Variants in EDC4 observed in about 807,000 individuals in gnomAD.
The protein encoded by EDC4 is enhancer of mRNA-decapping protein 4.
In EDC4, 64 loss-of-function variants were observed where a neutral mutation model predicts 155.8. The observed-to-expected ratio is 0.41, with a 90% CI of 0.34 to 0.51. The LOEUF (loss-of-function observed/expected upper bound fraction) is 0.51, where lower values mean the gene tolerates loss of function less well. Ranked by LOEUF, EDC4 falls within the 20% of genes least tolerant of loss-of-function variation. EDC4 has a pLI of 0.19. For missense variants in EDC4, 1,303 were observed against 1,812.5 expected (o/e 0.72, Z 5.10); for synonymous variants, 684 against 716.8 (o/e 0.95, Z 0.73).
chr16:67,881,082 G>A lies in EDC4; in HGVS notation c.2538G>A (p.Arg846=), dbSNP rs1430860599. 2 of 1,614,088 alleles carry A rather than the reference G, an allele frequency of 1.2e-6. No individual in the cohort carries two copies. Among genetic ancestry groups the A allele is most frequent in the Non-Finnish European group, 1.7e-6 (2 of 1,180,028 alleles). ...AGTTGGCCTGTCCTCCCAGCCCCAG[G>A]AATGGCCTTCAGGAAAAGCACAAGA... ...ETCSTLAESP[R]NGLQEKHKSL... The change falls in exon 19 of 29, where the codon AGG becomes AGA. Residue 846 remains arginine (R), a synonymous_variant. Transcript: ENST00000358933. This position sits in a 1 kb window ranked among gnomAD's most constrained non-coding sequence, Gnocchi z 5.4.
In EDC4 at chr16:67,880,300, C is replaced by A. The variant is rs1287912206; in HGVS notation, c.2097+84C>A. The A allele has an allele frequency of 6.6e-7, 1 of 1,505,272 alleles. No individual in the cohort carries two copies. Among genetic ancestry groups the A allele is most frequent in the African/African-American group, 1.4e-5 (1 of 72,166 alleles). The allele number at this position is 1,505,272 out of a possible 1,614,324, so 93.2% of individuals were successfully genotyped here. On this transcript the variant is annotated intron_variant, in intron 17 of 28. Transcript: ENST00000358933. The surrounding 1 kb of genome is among the most constrained non-coding windows in gnomAD (Gnocchi z 5.2). ...TGGGTGGTGGGCTCCTCCCAGCCCC[C>A]TGCTGCTGATCCTGCTCTACCCGAC...
In EDC4 at chr16:67,881,787, G is replaced by A. The variant is rs142831496; in HGVS notation, c.2946G>A (p.Leu982=). 35 of 1,614,162 alleles carry A rather than the reference G, an allele frequency of 2.2e-5. No individual in the cohort carries two copies. In the African/African-American group the frequency reaches 3.2e-4, roughly 15 times the overall value. The change falls in exon 22 of 29, where the codon CTG becomes CTA. Residue 982 remains leucine (L), a synonymous_variant. Transcript: ENST00000358933. The surrounding 1 kb of genome is among the most constrained non-coding windows in gnomAD (Gnocchi z 5.4). ...GTCTGTGTACCCAACTCGAAGGCCTGCAGAGCACAGTCACAGGCCACGTAG... is the reference window on the plus strand; with the variant it reads ...GTCTGTGTACCCAACTCGAAGGCCTACAGAGCACAGTCACAGGCCACGTAG... The part of the protein sequence containing the change: ...LQRLCTQLEG[L]QSTVTGHVER...
In EDC4 at chr16:67,878,896, G is replaced by A. The variant is rs1268876667; in HGVS notation, c.1287+57G>A. On this transcript the variant is annotated intron_variant, in intron 11 of 28. Coordinates refer to ENST00000358933, the MANE Select transcript of EDC4 (RefSeq NM_014329.5). The surrounding 1 kb of genome is among the most constrained non-coding windows in gnomAD (Gnocchi z 5.2). ...TGGGATTATAGAGGAAGGCCGGGGG[G>A]CAGGTGGCGCATCACAGCCCTTAGC... 6 of 1,610,874 alleles carry A rather than the reference G, an allele frequency of 3.7e-6. No homozygotes were observed. The highest frequency in any genetic ancestry group is 1.6e-4 in the Middle Eastern group (1 of 6,084).
Position 67,883,995 on chromosome 16 carries a change from C to A in EDC4, c.4053C>A (p.Asp1351Glu). 1.2e-6 allele frequency: 2 copies of A among 1,613,418 alleles called. No individual in the cohort carries two copies. The highest frequency in any genetic ancestry group is 1.7e-6 in the Non-Finnish European group (2 of 1,179,562). ...EEAVMHLDHS[D>E]PITRDHMGSV... is the part of the protein sequence containing the mutation. ...CCGTGATGCACCTGGACCACAGTGACCCCATCACTCGGGACCACATGGGCT... is the reference window on the plus strand; with the variant it reads ...CCGTGATGCACCTGGACCACAGTGAACCCATCACTCGGGACCACATGGGCT... Residue 1351 changes from aspartate (D) to glutamate (E), a missense_variant, in exon 29 of 29, where the codon GAC becomes GAA. Physicochemically the swap from Asp to Glu is conservative, Grantham distance 45. Around this residue, in one of 5 missense-constraint regions of EDC4, gnomAD observed 527 missense variants for 757.0 expected, o/e 0.70. Transcript: ENST00000358933. The surrounding 1 kb of genome is among the most constrained non-coding windows in gnomAD (Gnocchi z 5.3).
Position 67,881,657 on chromosome 16 carries a change from G to A in EDC4, c.2827-11G>A, listed in dbSNP as rs746801691. The A allele has an allele frequency of 2.5e-6, 4 of 1,611,258 alleles. No individual in the cohort carries two copies. Among genetic ancestry groups the A allele is most frequent in the Non-Finnish European group, 3.4e-6 (4 of 1,177,680 alleles). On this transcript the variant is annotated splice_polypyrimidine_tract_variant and intron_variant, in intron 21 of 28. Transcript: ENST00000358933. This position sits in a 1 kb window ranked among gnomAD's most constrained non-coding sequence, Gnocchi z 5.4. ...GGGCAGGCATCGTGTGACTGTCAGT[G>A]CTACTGACAGGTGGCAGAGCCCCCT...
Position 67,882,801 on chromosome 16 carries a change from G to A in EDC4, c.3565G>A (p.Ala1189Thr). Residue 1189 changes from alanine to threonine, a missense_variant, in exon 26 of 29, where the codon GCA becomes ACA. Around this residue, in one of 5 missense-constraint regions of EDC4, gnomAD observed 527 missense variants for 757.0 expected, o/e 0.70. Coordinates refer to ENST00000358933, the MANE Select transcript of EDC4 (RefSeq NM_014329.5). This position sits in a 1 kb window ranked among gnomAD's most constrained non-coding sequence, Gnocchi z 7.2. The stretch of plus-strand genomic sequence containing the variant: ...ACTGCAGAGTGCCACTGAGCAGATG[G>A]CAGCCACCGTGGCCGGCAGTGTTCG... Reference protein sequence around the residue: ...STLQSATEQMAATVAGSVRAE... With the variant: ...STLQSATEQMTATVAGSVRAE... 6.2e-7 allele frequency: 1 copy of A among 1,614,130 alleles called. No individual in the cohort carries two copies. Among genetic ancestry groups the A allele is most frequent in the Non-Finnish European group, 8.5e-7 (1 of 1,180,002 alleles).
At chr16:67,873,683 G>T (rs2058030704) in intron 1 of EDC4, among the ~76,000 whole-genome samples, 1 of 152,136 alleles carries the variant, frequency 6.6e-6, no homozygotes, top group Non-Finnish European at 1.5e-5. Context: ...TGGTTCAGAG[G>T]CCTGGTCTGG....
chr16:67,883,416 G>A lies in EDC4; in HGVS notation c.3850-152G>A, dbSNP rs527829553. On this transcript the variant is annotated intron_variant, in intron 27 of 28. Coordinates refer to ENST00000358933, the MANE Select transcript of EDC4 (RefSeq NM_014329.5). This position sits in a 1 kb window ranked among gnomAD's most constrained non-coding sequence, Gnocchi z 5.3. The stretch of plus-strand genomic sequence containing the variant: ...GGAACCCATTTCCCAATCCCCTAGG[G>A]TAACTACACAGCCCTACAGGCTCTC... 299 of 1,339,392 alleles carry A rather than the reference G, an allele frequency of 2.2e-4. No homozygotes were observed. Among genetic ancestry groups the A allele is most frequent in the Non-Finnish European group, 2.7e-4 (263 of 978,066 alleles). The allele number at this position is 1,339,392 out of a possible 1,614,324, so 83.0% of individuals were successfully genotyped here.
In EDC4 at chr16:67,878,224, A is replaced by G. The variant is rs373944712; in HGVS notation, c.953A>G (p.Asp318Gly). Residue 318 changes from aspartate (D) to glycine (G), a missense_variant, in exon 8 of 29, where the codon GAT (aspartate) becomes GGT (glycine). Around this residue, in one of 5 missense-constraint regions of EDC4, gnomAD observed 235 missense variants for 367.7 expected, o/e 0.64. Coordinates refer to ENST00000358933, the MANE Select transcript of EDC4 (RefSeq NM_014329.5). The surrounding 1 kb of genome is among the most constrained non-coding windows in gnomAD (Gnocchi z 5.2). ...ACTGTGCTGGCTACTGCGAGCCACG[A>G]TGGCTATGTCAAGTTCTGGCAGATC... ...DGTVLATASH[D>G]GYVKFWQIYI... The G allele has an allele frequency of 5.0e-6, 8 of 1,613,876 alleles. No homozygotes were observed. Among genetic ancestry groups the G allele is most frequent in the Non-Finnish European group, 6.8e-6 (8 of 1,179,988 alleles).
At position 67,877,772 on chromosome 16, in the gene EDC4, C is replaced by T; in HGVS notation, c.821C>T (p.Ser274Phe). 6.2e-7 allele frequency: 1 copy of T among 1,614,158 alleles called. No homozygotes were observed. ...AEVWDLDMLR[S>F]SHSTWPVDVS... ...GTGTGGGACCTGGACATGCTCCGCT[C>T]CAGCCACAGTACCTGGCCTGTGGAT... The change falls in exon 7 of 29, where the codon TCC becomes TTC. Residue 274 changes from serine to phenylalanine, a missense_variant. Physicochemically the swap from Ser to Phe is radical, Grantham distance 155. This residue lies in a region of EDC4 where 235 missense variants were observed against 367.7 expected (regional missense o/e 0.64). Coordinates refer to ENST00000358933, the MANE Select transcript of EDC4 (RefSeq NM_014329.5). This position sits in a 1 kb window ranked among gnomAD's most constrained non-coding sequence, Gnocchi z 4.9.
Position 67,881,813 on chromosome 16 carries a change from A to T in EDC4, c.2972A>T (p.Glu991Val). The T allele has an allele frequency of 6.2e-7, 1 of 1,613,934 alleles. No homozygotes were observed. The highest frequency in any genetic ancestry group is 8.5e-7 in the Non-Finnish European group (1 of 1,179,816). ...GLQSTVTGHV[E>V]RALETRHEQE... is the part of the protein sequence containing the mutation. ...CAGAGCACAGTCACAGGCCACGTAGAACGTGCCCTTGAGACTCGGCACGAG... is the reference window on the plus strand; with the variant it reads ...CAGAGCACAGTCACAGGCCACGTAGTACGTGCCCTTGAGACTCGGCACGAG... The change falls in exon 22 of 29, where the codon GAA becomes GTA. Residue 991 changes from glutamate to valine, a missense_variant. Glu to Val is a moderately radical substitution (Grantham distance 121). Transcript: ENST00000358933. This position sits in a 1 kb window ranked among gnomAD's most constrained non-coding sequence, Gnocchi z 5.4.
rs745460116 is a variant in EDC4 at position 67,877,453 on chromosome 16, G to A, written c.641+47G>A. 1.2e-6 allele frequency: 2 copies of A among 1,611,036 alleles called. No individual in the cohort carries two copies. The highest frequency in any genetic ancestry group is 1.7e-6 in the Non-Finnish European group (2 of 1,177,836). On this transcript the variant is annotated intron_variant, in intron 5 of 28. Coordinates refer to ENST00000358933, the MANE Select transcript of EDC4 (RefSeq NM_014329.5). The surrounding 1 kb of genome is among the most constrained non-coding windows in gnomAD (Gnocchi z 4.9). Reference sequence around the variant, plus strand: ...TGGTGGGACTGAAGAAGGGTGGGCGGAGCTGGGGTGTCACGCCTCTTCATT... The same window carrying A: ...TGGTGGGACTGAAGAAGGGTGGGCGAAGCTGGGGTGTCACGCCTCTTCATT...
chr16:67,880,375 G>A lies in EDC4; in HGVS notation c.2097+159G>A, dbSNP rs2058061494. On this transcript the variant is annotated intron_variant, in intron 17 of 28. Transcript: ENST00000358933. This position sits in a 1 kb window ranked among gnomAD's most constrained non-coding sequence, Gnocchi z 5.2. ...TTTCACCCTCCTGTGTTTCCTGGTG[G>A]GTGTCTCCTCAGCCTCCCTGTCCCC... The A allele has an allele frequency of 5.1e-6, 7 of 1,363,482 alleles. No individual in the cohort carries two copies. The highest frequency in any genetic ancestry group is 6.9e-6 in the Non-Finnish European group (7 of 1,011,414). 84.5% of individuals were successfully genotyped at this position (1,363,482 alleles called of 1,614,324 possible).
chr16:67,873,338 C>A lies in EDC4; in HGVS notation c.77C>A (p.Ala26Glu). 1.4e-6 allele frequency: 2 copies of A among 1,454,232 alleles called. No individual in the cohort carries two copies. Among genetic ancestry groups the A allele is most frequent in the Non-Finnish European group, 1.8e-6 (2 of 1,108,182 alleles). The allele number at this position is 1,454,232 out of a possible 1,614,324, so 90.1% of individuals were successfully genotyped here. Residue 26 changes from alanine to glutamate, a missense_variant, in exon 1 of 29, where the codon GCG becomes GAG. Coordinates refer to ENST00000358933, the MANE Select transcript of EDC4 (RefSeq NM_014329.5). ...LRDILKLDRPAGGPSAESPRP... is the reference protein window; with the variant it reads ...LRDILKLDRPEGGPSAESPRP... ...GACATCCTCAAGCTGGACCGGCCCG[C>A]GGGCGGTGAGCGGGGGTTGCGGGGG... is the stretch of plus-strand genomic sequence containing the variant.
chr16:67,873,186 C>A lies in EDC4; in HGVS notation c.-76C>A. 1 of 1,144,578 alleles carries A rather than the reference C, an allele frequency of 8.7e-7. No individual in the cohort carries two copies. The highest frequency in any genetic ancestry group is 1.1e-6 in the Non-Finnish European group (1 of 870,364). 70.9% of individuals were successfully genotyped at this position (1,144,578 alleles called of 1,614,324 possible). A position where few individuals can be genotyped will look rare whatever the true frequency, so the allele number is the denominator to read the frequency against. On this transcript the variant is annotated 5_prime_UTR_variant, in exon 1 of 29. Transcript: ENST00000358933. ...GGCGTCCCGCTGTCTCGCCCCGTGG[C>A]GGGTGAGCGAGGGTGCGTGGTGCGC...
At position 67,879,412 on chromosome 16, in the gene EDC4, G is replaced by A; in HGVS notation, c.1542G>A (p.Lys514=). 1 of 1,614,086 alleles carries A rather than the reference G, an allele frequency of 6.2e-7. No individual in the cohort carries two copies. ...TATTCTCCCCCTTCTTTTCCTGCAG[G>A]GCACTGCAAGATGTGCAGATCCGCT... ...VLIKLFCVHT[K]ALQDVQIRFQ... The change falls in exon 14 of 29, where the codon AAG becomes AAA. Residue 514 remains lysine (K), a splice_region_variant and synonymous_variant. Transcript: ENST00000358933. This position sits in a 1 kb window ranked among gnomAD's most constrained non-coding sequence, Gnocchi z 6.0.
rs1304728306 is a variant in EDC4 at position 67,882,640 on chromosome 16, C to T, written c.3443-39C>T. The stretch of plus-strand genomic sequence containing the variant: ...CAAGGTGGGAGGGGTTATCCTCTTT[C>T]CTACTGTTCCTCTTATAGTCCCTGT... On this transcript the variant is annotated intron_variant, in intron 25 of 28. Coordinates refer to ENST00000358933, the MANE Select transcript of EDC4 (RefSeq NM_014329.5). The surrounding 1 kb of genome is among the most constrained non-coding windows in gnomAD (Gnocchi z 7.2). 6.8e-6 allele frequency: 11 copies of T among 1,614,134 alleles called. No individual in the cohort carries two copies. Among genetic ancestry groups the T allele is most frequent in the African/African-American group, 1.3e-5 (1 of 74,940 alleles).
rs751330573 is a variant in EDC4, at chr16:67,878,922, C to T, written c.1288-35C>T. 3 of 1,610,640 alleles carry T rather than the reference C, an allele frequency of 1.9e-6. No homozygotes were observed. Among genetic ancestry groups the T allele is most frequent in the Non-Finnish European group, 1.7e-6 (2 of 1,179,186 alleles). On this transcript the variant is annotated intron_variant, in intron 11 of 28. Coordinates refer to ENST00000358933, the MANE Select transcript of EDC4 (RefSeq NM_014329.5). This position sits in a 1 kb window ranked among gnomAD's most constrained non-coding sequence, Gnocchi z 5.2. ...CAGGTGGCGCATCACAGCCCTTAGCCTCTGAGCTCAGCTAGGAACGTTCTG... is the reference window on the plus strand; with the variant it reads ...CAGGTGGCGCATCACAGCCCTTAGCTTCTGAGCTCAGCTAGGAACGTTCTG...
chr16:67,873,261 C>T lies in EDC4; in HGVS notation c.-1C>T, dbSNP rs926478954. On this transcript the variant is annotated 5_prime_UTR_variant, in exon 1 of 29. Transcript: ENST00000358933. ...CGGGCGGGGCGCCCGCCGCAGGGCC[C>T]ATGGCCTCCTGCGCGAGCATCGACA... 1.7e-5 allele frequency: 25 copies of T among 1,459,578 alleles called. No homozygotes were observed. Among genetic ancestry groups the T allele is most frequent in the Non-Finnish European group, 2.1e-5 (23 of 1,110,662 alleles). The allele number at this position is 1,459,578 out of a possible 1,614,324, so 90.4% of individuals were successfully genotyped here.
Sources: gnomAD v4.1 joint callset for allele counts (sites outside exome capture counted in the v4.1 genomes callset) on GRCh38, gnomAD v4.1.1 for gene constraint, gnomAD v4.1.1 regional missense constraint, Gnocchi (gnomAD v3.1) non-coding constraint, MANE v1.5 for transcripts, NCBI Gene and HGNC (gene_info 2026-07-23, HGNC 2026-07-21) for gene names.